SPECC1L: variants seen among roughly 807,000 people sequenced by gnomAD.
SPECC1L encodes cytospin-A.
Under a neutral mutation model 116.8 loss-of-function variants are expected in SPECC1L, and 40 were observed. That is an observed-to-expected ratio of 0.34 (90% CI 0.27 to 0.45). The LOEUF (loss-of-function observed/expected upper bound fraction) is 0.45, where lower values mean the gene tolerates loss of function less well. Ranked by LOEUF, SPECC1L falls within the 20% of genes least tolerant of loss-of-function variation. The probability of loss-of-function intolerance (pLI) is 1.00; values close to 1 mark genes in which losing one functional copy is unlikely to be tolerated. For missense variants in SPECC1L, 1,110 were observed against 1,373.6 expected (o/e 0.81, Z 3.03); for synonymous variants, 504 against 500.6 (o/e 1.01, Z -0.09).
At chr22:24,358,234 T>C (rs574504391) in intron 11 of SPECC1L, among the ~76,000 whole-genome samples, 12 of 151,378 alleles carry the variant, frequency 7.9e-5, no homozygotes, top group Admixed American at 7.9e-4. Context: ...CCCACGTCAG[T>C]CCCCCAAGTA....
chr22:24,412,328 G>T, intron 15 of SPECC1L: 1 of 438,180 alleles, frequency 2.3e-6, no homozygotes, highest in Non-Finnish European at 4.3e-6. Context: ...AAGCTCATTT[G>T]ATGAGTGTTC....
intron 12 of SPECC1L, 53 bp downstream of exon 12, chr22:24,363,397 A>C: frequency 2.7e-6 from 4 of 1,465,468 alleles, no homozygotes; most frequent in Non-Finnish European, 3.8e-6. Flanking sequence ...TAGAGACAGG[A>C]TCTCACTATG....
intron 11 of SPECC1L, among the ~76,000 whole-genome samples, chr22:24,361,855 G>A (rs532909765): frequency 1.1e-4 from 16 of 147,354 alleles, no homozygotes; most frequent in Admixed American, 8.2e-4. Flanking sequence ...AAGAAGAAGA[G>A]GAAGAGGAAG....
In SPECC1L at chr22:24,362,712, C is replaced by G. The variant is rs561617127; in HGVS notation, c.2744-549C>G. Among the ~76,000 whole-genome samples, 69 of 152,254 alleles carry G rather than the reference C, an allele frequency of 4.5e-4. 2 individuals are homozygous for G. The South Asian group carries it at 0.014, about 31-fold the overall frequency. ...CTGTTGTTGGCTAAAATCTAGTTCCCCACCTCTTTTCAGTAAGGCCCAGCT... is the reference window on the plus strand; with the variant it reads ...CTGTTGTTGGCTAAAATCTAGTTCCGCACCTCTTTTCAGTAAGGCCCAGCT... On this transcript the variant is annotated intron_variant, in intron 11 of 16. Coordinates refer to ENST00000314328, the MANE Select transcript of SPECC1L (RefSeq NM_015330.6).
chr22:24,313,667 A>G (rs2040503150), intron 4 of SPECC1L, among the ~76,000 whole-genome samples: 1 of 151,466 alleles, frequency 6.6e-6, no homozygotes, highest in Non-Finnish European at 1.5e-5. Context: ...CTTCCCTCTT[A>G]TTATTTTGAA....
chr22:24,405,066 G>C (rs2042558317), intron 14 of SPECC1L, among the ~76,000 whole-genome samples: 1 of 152,216 alleles, frequency 6.6e-6, no homozygotes, highest in Admixed American at 6.5e-5. Context: ...TTGCAGGCCT[G>C]CAGAAAACAA....
At chr22:24,356,151 T>TGG (rs1197428786) in intron 11 of SPECC1L, among the ~76,000 whole-genome samples, 3 of 152,228 alleles carry the variant, frequency 2.0e-5, no homozygotes, top group Non-Finnish European at 4.4e-5. Context: ...TTGCTGTTAT[T>TGG]GGGCAGAGTG....
In SPECC1L at chr22:24,395,174, T is replaced by C. The variant is rs533565884; in HGVS notation, c.3088-16414T>C. Among the ~76,000 whole-genome samples the C allele has an allele frequency of 3.9e-5, 6 of 152,350 alleles. No homozygotes were observed. The South Asian group carries it at 1.0e-3, about 26-fold the overall frequency. Reference sequence around the variant, plus strand: ...CATGCAATTTATACATTTTTTCTTTTATGAAGCATACATGTGTTTGTGTTG... The same window carrying C: ...CATGCAATTTATACATTTTTTCTTTCATGAAGCATACATGTGTTTGTGTTG... On this transcript the variant is annotated intron_variant, in intron 14 of 16. Transcript: ENST00000314328.
At chr22:24,347,536 G>A (rs2041322687) in intron 11 of SPECC1L, among the ~76,000 whole-genome samples, 1 of 152,174 alleles carries the variant, frequency 6.6e-6, no homozygotes, top group Non-Finnish European at 1.5e-5. Flanking sequence ...TAGTTACTAA[G>A]CAGTAGCCCA....
At chr22:24,274,245 G>T (rs1195089456) in intron 1 of SPECC1L, among the ~76,000 whole-genome samples, 1 of 152,190 alleles carries the variant, frequency 6.6e-6, no homozygotes, top group African/African-American at 2.4e-5. Flanking sequence ...TAGGAAAGTA[G>T]CCTTAAACAA....
rs777196583 is a variant in SPECC1L at position 24,302,415 on chromosome 22, G to GT, written c.153+36dup. Reference sequence around the variant, plus strand: ...CATGTGATGTTTGAATACATGATGGGTTTTTGGAGGACTGAATTTAAATAT... The same window carrying GT: ...CATGTGATGTTTGAATACATGATGGGTTTTTTGGAGGACTGAATTTAAATAT... On this transcript the variant is annotated intron_variant, in intron 3 of 16. Transcript: ENST00000314328. The GT allele has an allele frequency of 2.4e-5, 38 of 1,612,460 alleles. No homozygotes were observed. The East Asian group carries it at 8.5e-4, about 36-fold the overall frequency.
At position 24,363,329 on chromosome 22, in the gene SPECC1L, G is replaced by T. The variant is rs764920435; in HGVS notation, c.2812G>T (p.Ala938Ser). ...GCCAAGAGTGCCTGCGATGGAAAGT[G>T]CCAAGACCCTCTCAGGTGATGACTT... is the stretch of plus-strand genomic sequence containing the variant. ...SLPRVPAMES[A>S]KTLSVSRRSS... Residue 938 changes from alanine to serine, a missense_variant, in exon 12 of 17, where the codon GCC becomes TCC. Ala to Ser is a moderately conservative substitution (Grantham distance 99). Coordinates refer to ENST00000314328, the MANE Select transcript of SPECC1L (RefSeq NM_015330.6). The T allele has an allele frequency of 6.2e-7, 1 of 1,614,104 alleles. No individual in the cohort carries two copies. Among genetic ancestry groups the T allele is most frequent in the African/African-American group, 1.3e-5 (1 of 75,058 alleles).
chr22:24,338,409 A>G lies in SPECC1L; in HGVS notation c.2584A>G (p.Ile862Val), dbSNP rs201010053. The G allele has an allele frequency of 1.9e-6, 3 of 1,614,016 alleles. No homozygotes were observed. The highest frequency in any genetic ancestry group is 1.3e-5 in the African/African-American group (1 of 75,018). The change falls in exon 10 of 17, where the codon ATT (isoleucine) becomes GTT (valine). Residue 862 changes from isoleucine to valine, a missense_variant. By Grantham distance (29) the Ile-to-Val change is conservative (BLOSUM62 3). Coordinates refer to ENST00000314328, the MANE Select transcript of SPECC1L (RefSeq NM_015330.6). ...AGTACCAAACCCTGCTGCAGCTGCA[A>G]TTCCTCGAACGCCCCTGAGCCCAAG... ...SQVPNPAAAA[I>V]PRTPLSPSPM...
At chr22:24,340,024 A>G (rs980635063) in intron 10 of SPECC1L, among the ~76,000 whole-genome samples, 2 of 151,896 alleles carry the variant, frequency 1.3e-5, no homozygotes, top group Admixed American at 6.6e-5. Flanking sequence ...AGCTCAGGTA[A>G]TCCACCTGCC....
At chr22:24,318,761 T>A (rs1569418722) in intron 4 of SPECC1L, among the ~76,000 whole-genome samples, 1 of 152,066 alleles carries the variant, frequency 6.6e-6, no homozygotes, top group Non-Finnish European at 1.5e-5. Flanking sequence ...AAACCCCGTC[T>A]CTACAAAAAA....
intron 11 of SPECC1L, among the ~76,000 whole-genome samples, chr22:24,355,606 T>C (rs1486180468): frequency 2.6e-5 from 4 of 152,198 alleles, no homozygotes; most frequent in Non-Finnish European, 5.9e-5. Context: ...CCCTTACTTA[T>C]AACTTCTTTC....
At chr22:24,317,791 C>T (rs2040629003) in intron 4 of SPECC1L, among the ~76,000 whole-genome samples, 1 of 151,276 alleles carries the variant, frequency 6.6e-6, no homozygotes, top group South Asian at 2.1e-4. Flanking sequence ...CGGAGGGGCT[C>T]CTCACTTCTC....
intron 2 of SPECC1L, among the ~76,000 whole-genome samples, chr22:24,290,290 GAGAGGACAT>G (rs1569406156): frequency 1.3e-5 from 2 of 152,326 alleles, no homozygotes; most frequent in East Asian, 3.9e-4. Context: ...CTGGAGTGGG[GAGAGGACAT>G]AGAGTACAGT....
At chr22:24,363,742 CATA>C (rs1444914923) in intron 12 of SPECC1L, among the ~76,000 whole-genome samples, 3 of 152,022 alleles carry the variant, frequency 2.0e-5, no homozygotes, top group African/African-American at 7.3e-5. Flanking sequence ...ACGAAAAAGA[CATA>C]ATTATAAAAT....
Sources: allele counts gnomAD v4.1 joint callset (sites outside exome capture counted in the v4.1 genomes callset), GRCh38; gene constraint gnomAD v4.1.1; transcripts MANE v1.5; gene names NCBI Gene and HGNC (gene_info 2026-07-23, HGNC 2026-07-21).